Variants in MCM5 observed in about 807,000 individuals in gnomAD.
The protein encoded by MCM5 is DNA replication licensing factor MCM5.
Under a neutral mutation model 79.9 loss-of-function variants are expected in MCM5, and 46 were observed. That is an observed-to-expected ratio of 0.58 (90% CI 0.45 to 0.74). MCM5 has a LOEUF of 0.74. Ranked by LOEUF, MCM5 falls within the 30% of genes least tolerant of loss-of-function variation. The probability of loss-of-function intolerance (pLI) is 0.00; values close to 1 mark genes in which losing one functional copy is unlikely to be tolerated. For missense variants in MCM5, 883 were observed against 1,017.0 expected (o/e 0.87, Z 1.79); for synonymous variants, 404 against 390.5 (o/e 1.03, Z -0.41).
At chr22:35,452,834 TGA>T in the MCM5 span, among the ~76,000 whole-genome samples, 2 of 152,172 alleles carry the variant, frequency 1.3e-5, no homozygotes, top group Admixed American at 6.5e-5. Context: ...AGTTCAGCCC[TGA>T]GAGAGAGGGA....
intron 4 of MCM5, among the ~76,000 whole-genome samples, chr22:35,405,808 G>A (rs548844047): frequency 1.7e-4 from 25 of 151,448 alleles, no homozygotes; most frequent in Admixed American, 6.6e-4. Flanking sequence ...TCAAGAGTTC[G>A]AGACCAGCCT....
chr22:35,417,598 A>C, intron 12 of MCM5, 146 bp from the exon 13 acceptor site: 3 of 656,670 alleles, frequency 4.6e-6, no homozygotes, highest in Non-Finnish European at 8.3e-6. Flanking sequence ...CTGAGCAAAC[A>C]GGCTGAGCAC....
At chr22:35,416,130 C>T (rs1174302832) in intron 10 of MCM5, among the ~76,000 whole-genome samples, 158 bp downstream of exon 10, 7 of 152,226 alleles carry the variant, frequency 4.6e-5, no homozygotes, top group Non-Finnish European at 1.0e-4. Context: ...TTAACCTCTT[C>T]AAGCCTCAGT....
intron 5 of MCM5, among the ~76,000 whole-genome samples, chr22:35,407,032 A>G (rs1932238956): frequency 3.9e-5 from 6 of 152,096 alleles, no homozygotes; most frequent in Admixed American, 2.0e-4. Flanking sequence ...GAAGCAAACT[A>G]TGGTTTGCTC....
rs1382562070 is a variant in MCM5, at chr22:35,424,644, G to A, written c.*389G>A. The stretch of plus-strand genomic sequence containing the variant: ...ACTCAGACTTCTGGGTAAGTCACGT[G>A]ACTTGAGTGCTCCGGTTTCTTCATC... On this transcript the variant is annotated 3_prime_UTR_variant, in exon 17 of 17. Transcript: ENST00000216122. 2 of 168,272 alleles carry A rather than the reference G, an allele frequency of 1.2e-5. No individual in the cohort carries two copies. The highest frequency in any genetic ancestry group is 4.8e-5 in the African/African-American group (2 of 42,080). The allele number at this position is 168,272 out of a possible 1,614,324, so 10.4% of individuals were successfully genotyped here.
chr22:35,414,791 G>A (rs1010566502), intron 9 of MCM5, among the ~76,000 whole-genome samples: 1 of 152,130 alleles, frequency 6.6e-6, no homozygotes, highest in Non-Finnish European at 1.5e-5. Flanking sequence ...AAGTGTCTTG[G>A]CCCAGGTCTC....
At chr22:35,445,346 T>TTTTTTTG in the MCM5 span, among the ~76,000 whole-genome samples, 1 of 148,434 alleles carries the variant, frequency 6.7e-6, no homozygotes. Flanking sequence ...TTTTTTTTTT[T>TTTTTTTG]GAGACGGAGT....
chr22:35,438,981 AT>A, the MCM5 span, among the ~76,000 whole-genome samples: 18 of 137,364 alleles, frequency 1.3e-4, no homozygotes, highest in African/African-American at 4.0e-4. Flanking sequence ...TCATCCATCC[AT>A]CTACCCACAT....
chr22:35,423,505 C>T (rs1399107009), intron 16 of MCM5, 164 bp downstream of exon 16: 1 of 649,440 alleles, frequency 1.5e-6, no homozygotes, highest in Non-Finnish European at 2.3e-6. Flanking sequence ...CATTCCTTCC[C>T]TAGGGACATC....
downstream of MCM5, among the ~76,000 whole-genome samples, chr22:35,428,023 T>TC (rs1569072751): frequency 7.5e-5 from 7 of 93,248 alleles, no homozygotes; most frequent in South Asian, 5.5e-4. Context: ...CTCTCTCTCT[T>TC]TTTTTTTTTT....
the MCM5 span, among the ~76,000 whole-genome samples, chr22:35,431,381 G>T: frequency 1.3e-5 from 2 of 152,236 alleles, no homozygotes; most frequent in South Asian, 4.1e-4. Context: ...CTGAGAATCA[G>T]TCTGGATCTC....
intron 2 of MCM5, 24 bp downstream of exon 2, chr22:35,400,629 G>A (rs202206346): frequency 1.3e-6 from 2 of 1,570,002 alleles, no homozygotes; most frequent in South Asian, 2.3e-5. Context: ...GGGGCCGGGG[G>A]CTCGAGTTCC....
chr22:35,435,219 T>G, the MCM5 span, among the ~76,000 whole-genome samples: 2 of 152,168 alleles, frequency 1.3e-5, no homozygotes, highest in Non-Finnish European at 2.9e-5. Flanking sequence ...AATACAGGCC[T>G]CCCAATTTGC....
rs757716633 is a variant in MCM5 at position 35,416,819 on chromosome 22, G to A, written c.1590+5G>A. On this transcript the variant is annotated splice_donor_5th_base_variant and intron_variant, in intron 12 of 16. Transcript: ENST00000216122. The stretch of plus-strand genomic sequence containing the variant: ...CACAATGAGGAGAGGGATGTGGTAC[G>A]TCCAGGGGCAGGGCTGGTGGCCATG... 1.7e-5 allele frequency: 28 copies of A among 1,612,674 alleles called. No homozygotes were observed. The East Asian group carries it at 1.8e-4, about 10-fold the overall frequency.
the MCM5 span, among the ~76,000 whole-genome samples, chr22:35,442,040 C>G: frequency 1.3e-5 from 2 of 152,086 alleles, no homozygotes; most frequent in Non-Finnish European, 2.9e-5. Flanking sequence ...CCAATCTGGT[C>G]GAATCTAAAT....
the MCM5 span, among the ~76,000 whole-genome samples, chr22:35,438,496 C>CATCCATCT: frequency 6.7e-6 from 1 of 149,904 alleles, no homozygotes; most frequent in African/African-American, 2.5e-5. Context: ...TCCATCCATC[C>CATCCATCT]ATCCATCCAT....
intron 15 of MCM5, chr22:35,421,917 G>A (rs1237820794): frequency 3.6e-6 from 1 of 274,684 alleles, no homozygotes; most frequent in Non-Finnish European, 7.2e-6. Flanking sequence ...GATCACAGTC[G>A]CTTGGCTGGA....
At chr22:35,445,676 A>AT in the MCM5 span, among the ~76,000 whole-genome samples, 1 of 151,778 alleles carries the variant, frequency 6.6e-6, no homozygotes, top group Non-Finnish European at 1.5e-5. Flanking sequence ...TGCCTGGCTA[A>AT]TTTTTTGTAT....
In MCM5 at chr22:35,401,509, C is replaced by T. The variant is rs73885950; in HGVS notation, c.167+904C>T. Reference sequence around the variant, plus strand: ...GACATCATGAGAATTCTCATAGGCCCGGCCTCTATCCCTGAAATGTTAAAA... The same window carrying T: ...GACATCATGAGAATTCTCATAGGCCTGGCCTCTATCCCTGAAATGTTAAAA... On this transcript the variant is annotated intron_variant, in intron 2 of 16. Transcript: ENST00000216122. The T allele has an allele frequency of 1.4e-3, 678 of 467,788 alleles. 2 individuals carry two copies. Among genetic ancestry groups the T allele is most frequent in the African/African-American group, 0.012 (600 of 50,102 alleles). The allele number at this position is 467,788 out of a possible 1,614,324, so 29.0% of individuals were successfully genotyped here.
Sources: gnomAD v4.1 joint callset for allele counts (sites outside exome capture counted in the v4.1 genomes callset) on GRCh38, gnomAD v4.1.1 for gene constraint, MANE v1.5 for transcripts, NCBI Gene and HGNC (gene_info 2026-07-23, HGNC 2026-07-21) for gene names.